The following SLC2A13 variants were observed in gnomAD, a reference collection of about 807,000 sequenced individuals.
SLC2A13 encodes the protein solute carrier family 2 member 13.
Under a neutral mutation model 64.4 loss-of-function variants are expected in SLC2A13, and 32 were observed. The observed-to-expected ratio is 0.50, with a 90% CI of 0.37 to 0.67. The LOEUF (loss-of-function observed/expected upper bound fraction) is 0.67. SLC2A13 is among the 30% of genes least tolerant of loss of function. SLC2A13 has a pLI of 0.00. For synonymous variants in SLC2A13, 338 were observed against 327.1 expected (o/e 1.03, Z -0.36); for missense variants, 743 against 829.2 (o/e 0.90, Z 1.28).
At chr12:40,053,007 C>T (rs969602720) in intron 1 of SLC2A13, among the ~76,000 whole-genome samples, 3 of 151,870 alleles carry the variant, frequency 2.0e-5, no homozygotes, top group South Asian at 2.1e-4. Flanking sequence ...TCAGGCTGGG[C>T]GCAGTTTGTT....
chr12:39,977,769 C>T (rs1232591291), intron 3 of SLC2A13, among the ~76,000 whole-genome samples: 2 of 152,176 alleles, frequency 1.3e-5, no homozygotes, highest in African/African-American at 4.8e-5. Flanking sequence ...GCTAAAATGG[C>T]TTATTCAGTT....
At chr12:39,795,239 T>C (rs1303444891) in intron 7 of SLC2A13, among the ~76,000 whole-genome samples, 1 of 152,118 alleles carries the variant, frequency 6.6e-6, no homozygotes, top group Non-Finnish European at 1.5e-5. Context: ...TAATGTTTCT[T>C]TGAGTTTCAT....
intron 3 of SLC2A13, among the ~76,000 whole-genome samples, chr12:39,972,305 C>T (rs1162968875): frequency 5.9e-5 from 9 of 151,882 alleles, no homozygotes; most frequent in Admixed American, 2.0e-4. Flanking sequence ...AATTCTATTG[C>T]GAAATGATCT....
chr12:39,847,480 C>G (rs1375835084), intron 6 of SLC2A13, among the ~76,000 whole-genome samples: 1 of 152,114 alleles, frequency 6.6e-6, no homozygotes, highest in Non-Finnish European at 1.5e-5. Context: ...TCAAAGGGAG[C>G]TGATTCAGCT....
chr12:39,923,015 T>C (rs777213585), intron 4 of SLC2A13, among the ~76,000 whole-genome samples: 1 of 152,164 alleles, frequency 6.6e-6, no homozygotes, highest in African/African-American at 2.4e-5. Flanking sequence ...TCTATACTAA[T>C]GATACAATGA....
At chr12:39,946,684 CG>C (rs1699013086) in intron 4 of SLC2A13, among the ~76,000 whole-genome samples, 1 of 152,160 alleles carries the variant, frequency 6.6e-6, no homozygotes, top group Non-Finnish European at 1.5e-5. Flanking sequence ...CTCACGCAAA[CG>C]GAAGAGCCGG....
chr12:39,970,315 G>T (rs996777537), intron 3 of SLC2A13, among the ~76,000 whole-genome samples: 1 of 152,004 alleles, frequency 6.6e-6, no homozygotes, highest in East Asian at 1.9e-4. Context: ...ACTTTAAAGT[G>T]GTTTTTTCCA....
chr12:39,788,724 T>C (rs1941276031), intron 7 of SLC2A13: 1 of 152,130 alleles, frequency 6.6e-6, no homozygotes, highest in South Asian at 2.1e-4. Flanking sequence ...AGCTTGCATG[T>C]TCAGGTCTGT....
chr12:40,093,672 T>C (rs1020069484), intron 1 of SLC2A13, among the ~76,000 whole-genome samples: 1 of 149,744 alleles, frequency 6.7e-6, no homozygotes, highest in African/African-American at 2.4e-5. Flanking sequence ...GAAAGAGTGC[T>C]CCAGGAATCT....
intron 4 of SLC2A13, among the ~76,000 whole-genome samples, chr12:39,947,761 C>A (rs532861571): frequency 2.0e-5 from 3 of 150,058 alleles, no homozygotes; most frequent in Non-Finnish European, 4.4e-5. Context: ...CACGGGTTCA[C>A]GCCATTCTCC....
At chr12:40,003,611 A>G (rs992778355) in intron 3 of SLC2A13, among the ~76,000 whole-genome samples, 2 of 152,078 alleles carry the variant, frequency 1.3e-5, no homozygotes, top group Non-Finnish European at 2.9e-5. Context: ...AATATGCCTT[A>G]ACCCCTGTTC....
intron 1 of SLC2A13, among the ~76,000 whole-genome samples, chr12:40,070,908 A>G (rs1464948651): frequency 6.6e-6 from 1 of 152,152 alleles, no homozygotes; most frequent in African/African-American, 2.4e-5. Context: ...CACCTTCGGA[A>G]TATAAGCAGG....
chr12:39,936,544 C>A (rs1221704390), intron 4 of SLC2A13, among the ~76,000 whole-genome samples: 2 of 152,180 alleles, frequency 1.3e-5, no homozygotes, highest in Non-Finnish European at 2.9e-5. Context: ...TGTACACCAA[C>A]TTATCTTTTT....
chr12:39,782,986 C>T (rs960521071), intron 7 of SLC2A13, among the ~76,000 whole-genome samples: 9 of 152,096 alleles, frequency 5.9e-5, no homozygotes, highest in Admixed American at 3.3e-4. Flanking sequence ...TCGTCATTTA[C>T]ATTACTTATG....
At chr12:39,976,450 A>G (rs1946759110) in intron 3 of SLC2A13, among the ~76,000 whole-genome samples, 1 of 152,270 alleles carries the variant, frequency 6.6e-6, no homozygotes, top group African/African-American at 2.4e-5. Context: ...GAAGCAGACC[A>G]TATATGAACA....
chr12:39,845,356 G>A (rs971596552), intron 6 of SLC2A13, among the ~76,000 whole-genome samples: 2 of 151,828 alleles, frequency 1.3e-5, no homozygotes, highest in African/African-American at 4.8e-5. Flanking sequence ...AAAGAACCTT[G>A]GTAACCAAAT....
chr12:39,776,759 T>C (rs774458385), intron 7 of SLC2A13, among the ~76,000 whole-genome samples: 1 of 152,124 alleles, frequency 6.6e-6, no homozygotes, highest in Non-Finnish European at 1.5e-5. Context: ...AACTTTCCTA[T>C]GCACCTATAT....
intron 4 of SLC2A13, among the ~76,000 whole-genome samples, chr12:39,919,524 A>G (rs1431774433): frequency 2.0e-5 from 3 of 152,072 alleles, no homozygotes; most frequent in Non-Finnish European, 4.4e-5. Flanking sequence ...AGATTTCTCT[A>G]TAATATCTAA....
intron 6 of SLC2A13, among the ~76,000 whole-genome samples, chr12:39,859,789 G>A (rs1943710217): frequency 6.6e-6 from 1 of 152,162 alleles, no homozygotes; most frequent in Non-Finnish European, 1.5e-5. Flanking sequence ...GCCTCCCAAA[G>A]TGCTGGGATT....
Sources: gnomAD v4.1 joint callset for allele counts (sites outside exome capture counted in the v4.1 genomes callset) on GRCh38, gnomAD v4.1.1 for gene constraint, MANE v1.5 for transcripts, NCBI Gene and HGNC (gene_info 2026-07-23, HGNC 2026-07-21) for gene names.